Variants in EHD4 observed in about 807,000 individuals in gnomAD.
EHD4 encodes the protein EH domain-containing protein 4.
In EHD4, 37 loss-of-function variants were observed where a neutral mutation model predicts 51.0. The observed-to-expected ratio is 0.73, with a 90% confidence interval of 0.56 to 0.95. EHD4 has a LOEUF of 0.95. EHD4 is among the 40% of genes least tolerant of loss of function. The probability of loss-of-function intolerance (pLI) is 0.00; values close to 1 mark genes in which losing one functional copy is unlikely to be tolerated. For missense variants in EHD4, 632 were observed against 733.1 expected (o/e 0.86, Z 1.59); for synonymous variants, 297 against 317.3 (o/e 0.94, Z 0.68).
At chr15:41,925,547 G>A (rs1263880684) in intron 3 of EHD4, among the ~76,000 whole-genome samples, 2 of 152,110 alleles carry the variant, frequency 1.3e-5, no homozygotes, top group African/African-American at 4.8e-5. Flanking sequence ...TCATCCCACG[G>A]TGCTCAGTAT....
intron 3 of EHD4, 69 bp downstream of exon 3, chr15:41,942,998 A>T: frequency 7.3e-7 from 1 of 1,378,728 alleles, no homozygotes; most frequent in Non-Finnish European, 1.0e-6. Context: ...TAGGGACAGA[A>T]ATCCTCTGCT....
chr15:41,918,786 C>G (rs1412661294), intron 4 of EHD4, among the ~76,000 whole-genome samples: 1 of 152,264 alleles, frequency 6.6e-6, no homozygotes, highest in Non-Finnish European at 1.5e-5. Context: ...GCAGTGGCCT[C>G]TCAGCATCCT....
chr15:41,945,203 G>A (rs1275394041), intron 2 of EHD4, among the ~76,000 whole-genome samples: 1 of 152,156 alleles, frequency 6.6e-6, no homozygotes, highest in Non-Finnish European at 1.5e-5. Flanking sequence ...CATTCCCGTG[G>A]ACAGGCTGAT....
chr15:41,914,855 G>C (rs900858316), intron 4 of EHD4, among the ~76,000 whole-genome samples: 17 of 150,468 alleles, frequency 1.1e-4, no homozygotes, highest in African/African-American at 4.2e-4. Flanking sequence ...GCACGATCCT[G>C]GTTGACTGCA....
chr15:41,951,050 G>T (rs905270811), intron 2 of EHD4, among the ~76,000 whole-genome samples: 1 of 152,088 alleles, frequency 6.6e-6, no homozygotes, highest in African/African-American at 2.4e-5. Context: ...TTAAATAGGG[G>T]GCACTGGGCA....
chr15:41,949,016 C>CTATATATA (rs3035677), intron 2 of EHD4, among the ~76,000 whole-genome samples: 1,441 of 92,282 alleles, frequency 0.016, 28 homozygotes, highest in East Asian at 0.039. Flanking sequence ...CAGAGTGAGA[C>CTATATATA]TATATATATA....
At chr15:41,971,099 C>T (rs1209802787) in intron 1 of EHD4, among the ~76,000 whole-genome samples, 1 of 152,198 alleles carries the variant, frequency 6.6e-6, no homozygotes, top group Non-Finnish European at 1.5e-5. Context: ...GGAATTCATT[C>T]GCAGTGTATC....
chr15:41,915,085 GACAC>G (rs10552371), intron 4 of EHD4, among the ~76,000 whole-genome samples: 5,318 of 149,312 alleles, frequency 0.036, 283 homozygotes, highest in African/African-American at 0.12. Flanking sequence ...CAGTCTTGGA[GACAC>G]ACACACACAC....
intron 4 of EHD4, among the ~76,000 whole-genome samples, chr15:41,911,677 A>T (rs1305909325): frequency 6.6e-6 from 1 of 152,092 alleles, no homozygotes; most frequent in African/African-American, 2.4e-5. Context: ...TTCTGTGCTC[A>T]GGCTCACCCC....
At chr15:41,904,092 C>T (rs1042269159) in intron 5 of EHD4, among the ~76,000 whole-genome samples, 5 of 152,184 alleles carry the variant, frequency 3.3e-5, no homozygotes, top group Admixed American at 6.5e-5. Context: ...TTGGATTCCC[C>T]GGGTGCGTGA....
chr15:41,902,370 A>T (rs1434240610), intron 5 of EHD4, among the ~76,000 whole-genome samples: 1 of 151,886 alleles, frequency 6.6e-6, no homozygotes, highest in Non-Finnish European at 1.5e-5. Context: ...CATTCAGCCA[A>T]CAATTCATCC....
rs1175241289 is a variant in EHD4, at chr15:41,971,141, TG to T, written c.236+1117del. ...CCTGGATTTAACATATTTCCTGTAG[TG>T]ATAGCTACTCTATTTGTAGGAACTA... On this transcript the variant is annotated intron_variant, in intron 1 of 5. Transcript: ENST00000220325. 2.0e-5 allele frequency among the ~76,000 whole-genome samples: 3 copies of T among 152,264 alleles called. No individual in the cohort carries two copies. The East Asian group carries it at 5.8e-4, about 29-fold the overall frequency.
At chr15:41,932,794 C>T (rs118121690) in intron 3 of EHD4, among the ~76,000 whole-genome samples, 1,919 of 152,216 alleles carry the variant, frequency 0.013, 28 homozygotes, top group Non-Finnish European at 0.018. Flanking sequence ...GCACCCTCAC[C>T]GCCCCTGCTT....
intron 1 of EHD4, among the ~76,000 whole-genome samples, chr15:41,962,743 T>G (rs1194576243): frequency 6.6e-6 from 1 of 151,800 alleles, no homozygotes; most frequent in Admixed American, 6.6e-5. Context: ...AGCCACCCTG[T>G]CTGGGAAGTG....
chr15:41,956,340 G>C (rs536420817), intron 1 of EHD4, among the ~76,000 whole-genome samples: 2 of 152,242 alleles, frequency 1.3e-5, no homozygotes, highest in Admixed American at 6.5e-5. Context: ...TTCAGATTCC[G>C]GGCCAGGGAG....
intron 3 of EHD4, among the ~76,000 whole-genome samples, chr15:41,930,963 A>G (rs1334747902): frequency 6.6e-6 from 1 of 152,208 alleles, no homozygotes; most frequent in Non-Finnish European, 1.5e-5. Flanking sequence ...CACACTAACC[A>G]TGAGGAATGA....
At chr15:41,964,128 G>C (rs1436097556) in intron 1 of EHD4, among the ~76,000 whole-genome samples, 2 of 114,276 alleles carry the variant, frequency 1.8e-5, no homozygotes, top group Admixed American at 1.2e-4. Flanking sequence ...CTGGGTGACA[G>C]AGTGAGACTC....
intron 3 of EHD4, among the ~76,000 whole-genome samples, chr15:41,924,605 G>T (rs1437588974): frequency 6.6e-6 from 1 of 152,174 alleles, no homozygotes; most frequent in Non-Finnish European, 1.5e-5. Context: ...ATATTTGTGG[G>T]AGAAGTGACA....
In EHD4 at chr15:41,972,345, C is replaced by A; in HGVS notation, c.150G>T (p.Ser50=). The A allele has an allele frequency of 6.2e-7, 1 of 1,611,482 alleles. No individual in the cohort carries two copies. The highest frequency in any genetic ancestry group is 8.5e-7 in the Non-Finnish European group (1 of 1,178,870). ...CGAAGTCGGCGTCCTCCAGCGCAGG[C>A]GAGTGGAACTCGTGGAAGCGGTACG... is the stretch of plus-strand genomic sequence containing the variant. ...EEAYRFHEFH[S]PALEDADFEN... is the part of the protein sequence containing the mutation. The change falls in exon 1 of 6, where the codon TCG becomes TCT. Residue 50 remains serine, a synonymous_variant. Coordinates refer to ENST00000220325, the MANE Select transcript of EHD4 (RefSeq NM_139265.4).
Sources: allele counts gnomAD v4.1 joint callset (sites outside exome capture counted in the v4.1 genomes callset), GRCh38; gene constraint gnomAD v4.1.1; transcripts MANE v1.5; gene names NCBI Gene and HGNC (gene_info 2026-07-23, HGNC 2026-07-21).